The following NUP93 variants were observed in gnomAD, a reference collection of about 807,000 sequenced individuals.
The protein encoded by NUP93 is nucleoporin 93.
In NUP93, 55 loss-of-function variants were observed where a neutral mutation model predicts 107.8. That is an observed-to-expected ratio of 0.51 (90% CI 0.41 to 0.64). The LOEUF (loss-of-function observed/expected upper bound fraction) is 0.64, where lower values mean the gene tolerates loss of function less well. Ranked by LOEUF, NUP93 falls within the 30% of genes least tolerant of loss-of-function variation. The pLI is 0.00. For synonymous variants in NUP93, 390 were observed against 397.5 expected, an observed-to-expected ratio of 0.98 and a Z score of 0.22; for missense variants, 937 against 1,044.7, an observed-to-expected ratio of 0.90 and a Z score of 1.42.
chr16:56,834,010 T>A (rs1394518625), intron 13 of NUP93, 118 bp from the exon 14 acceptor site: 1 of 1,434,590 alleles, frequency 7.0e-7, no homozygotes, highest in Non-Finnish European at 9.6e-7. Context: ...TTAGCAAACT[T>A]TGACTGGGCT....
chr16:56,810,878 GAACTTTATGTAAA>G (rs1397570092), intron 5 of NUP93, among the ~76,000 whole-genome samples: 6 of 152,056 alleles, frequency 3.9e-5, no homozygotes, highest in Non-Finnish European at 7.4e-5. Flanking sequence ...GCCTGTTTTT[GAACTTTATGTAAA>G]TGGAGTCATA....
In NUP93 at chr16:56,779,459, T is replaced by C. The variant is rs188545257; in HGVS notation, c.298-19017T>C. ...AAAGCCAAAATACAAAATTAAACAA[T>C]GGACTACCAAATTTAGGAATAGATC... On this transcript the variant is annotated intron_variant, in intron 3 of 21. Transcript: ENST00000308159. 9.0e-4 allele frequency among the ~76,000 whole-genome samples: 137 copies of C among 152,364 alleles called. 2 individuals carry two copies. The highest frequency in any genetic ancestry group is 4.4e-5 in the Non-Finnish European group (3 of 68,042).
chr16:56,771,920 T>C (rs1157563518), intron 3 of NUP93, among the ~76,000 whole-genome samples: 1 of 152,240 alleles, frequency 6.6e-6, no homozygotes, highest in Non-Finnish European at 1.5e-5. Context: ...TTAGAGCAGA[T>C]TGAAGGAAAG....
rs114411931 is a variant in NUP93 at position 56,787,275 on chromosome 16, T to C, written c.298-11201T>C. On this transcript the variant is annotated intron_variant, in intron 3 of 21. Coordinates refer to ENST00000308159, the MANE Select transcript of NUP93 (RefSeq NM_014669.5). Reference sequence around the variant, plus strand: ...CTTTTCTGTGACAGATCTGTGATGATTGGTGCTCCAATCCCATCAGCATAA... The same window carrying C: ...CTTTTCTGTGACAGATCTGTGATGACTGGTGCTCCAATCCCATCAGCATAA... Among the ~76,000 whole-genome samples the C allele has an allele frequency of 4.8e-3, 737 of 152,306 alleles. 5 individuals carry two copies. Among genetic ancestry groups the C allele is most frequent in the African/African-American group, 0.017 (711 of 41,566 alleles).
At chr16:56,788,258 G>T (rs1342929181) in intron 3 of NUP93, among the ~76,000 whole-genome samples, 19 of 152,152 alleles carry the variant, frequency 1.2e-4, no homozygotes, top group African/African-American at 4.3e-4. Flanking sequence ...TTCCACCACA[G>T]CCTGGCACAT....
chr16:56,809,568 A>G (rs1963268717), intron 5 of NUP93, among the ~76,000 whole-genome samples: 1 of 152,132 alleles, frequency 6.6e-6, no homozygotes, highest in Non-Finnish European at 1.5e-5. Flanking sequence ...CTTTTTGCAC[A>G]TCGAGATAAG....
Position 56,748,300 on chromosome 16 carries a change from C to A in NUP93, c.53C>A (p.Ala18Asp), listed in dbSNP as rs1458232105. 2 of 1,613,978 alleles carry A rather than the reference C, an allele frequency of 1.2e-6. No homozygotes were observed. The highest frequency in any genetic ancestry group is 1.3e-5 in the African/African-American group (1 of 75,048). ...CTTCAGCAAGCTGAACAGCTTGCTG[C>A]TGAGACTGAGGGCATCTCAGAGCTT... ...ELLQQAEQLA[A>D]ETEGISELPH... The change falls in exon 2 of 22, where the codon GCT becomes GAT. Residue 18 changes from alanine to aspartate, a missense_variant. Coordinates refer to ENST00000308159, the MANE Select transcript of NUP93 (RefSeq NM_014669.5).
intron 1 of NUP93, among the ~76,000 whole-genome samples, chr16:56,731,435 G>T (rs182704086): frequency 6.7e-6 from 1 of 148,250 alleles, no homozygotes; most frequent in Non-Finnish European, 1.5e-5. Context: ...AGTCTCCCTC[G>T]GTCGCTCAGT....
At chr16:56,762,344 C>A (rs563411376) in intron 3 of NUP93, among the ~76,000 whole-genome samples, 3 of 152,220 alleles carry the variant, frequency 2.0e-5, no homozygotes, top group Admixed American at 1.3e-4. Flanking sequence ...GCAGAAATAG[C>A]CTGAATTGGC....
At chr16:56,773,865 A>AT (rs764658520) in intron 3 of NUP93, among the ~76,000 whole-genome samples, 3 of 152,178 alleles carry the variant, frequency 2.0e-5, no homozygotes, top group African/African-American at 7.2e-5. Flanking sequence ...AAAGCAGTGT[A>AT]TTTATCTTTT....
intron 1 of NUP93, among the ~76,000 whole-genome samples, chr16:56,733,720 C>CT (rs1260409984): frequency 6.6e-6 from 1 of 152,140 alleles, no homozygotes; most frequent in Non-Finnish European, 1.5e-5. Context: ...TGAGAATCCC[C>CT]TTTGTTTTGA....
At chr16:56,819,749 C>A (rs1405518737) in intron 6 of NUP93, among the ~76,000 whole-genome samples, 1 of 152,186 alleles carries the variant, frequency 6.6e-6, no homozygotes, top group Non-Finnish European at 1.5e-5. Context: ...ACCTGGTTAG[C>A]TGATGGTATT....
At chr16:56,761,456 A>G (rs1358252055) in intron 3 of NUP93, among the ~76,000 whole-genome samples, 2 of 152,188 alleles carry the variant, frequency 1.3e-5, no homozygotes, top group African/African-American at 4.8e-5. Context: ...ATACTATTCG[A>G]TGGACTTTTT....
chr16:56,796,089 A>G (rs1962892021), intron 3 of NUP93, among the ~76,000 whole-genome samples: 1 of 152,088 alleles, frequency 6.6e-6, no homozygotes, highest in Non-Finnish European at 1.5e-5. Context: ...GAAATCTATA[A>G]TTAGTAATGT....
chr16:56,765,953 A>G (rs1395062308), intron 3 of NUP93, among the ~76,000 whole-genome samples: 2 of 139,278 alleles, frequency 1.4e-5, no homozygotes, highest in Non-Finnish European at 3.4e-5. Context: ...CAATTACATT[A>G]AAGTATTCTG....
At chr16:56,777,277 C>T (rs1281493250) in intron 3 of NUP93, among the ~76,000 whole-genome samples, 4 of 152,080 alleles carry the variant, frequency 2.6e-5, no homozygotes, top group East Asian at 3.9e-4. Flanking sequence ...TTTCTTTCAC[C>T]GAGGTGCATT....
chr16:56,786,955 C>A (rs1424669635), intron 3 of NUP93, among the ~76,000 whole-genome samples: 3 of 152,216 alleles, frequency 2.0e-5, no homozygotes, highest in Admixed American at 6.5e-5. Context: ...ATTTGCCACT[C>A]CAGCTAAGCA....
chr16:56,808,124 CT>C, intron 5 of NUP93, among the ~76,000 whole-genome samples: 1 of 84,512 alleles, frequency 1.2e-5, no homozygotes, highest in Non-Finnish European at 2.4e-5. Context: ...TATTATATAA[CT>C]ATATAAATAT....
At chr16:56,799,222 T>C (rs1346516090) in intron 4 of NUP93, among the ~76,000 whole-genome samples, 1 of 152,174 alleles carries the variant, frequency 6.6e-6, no homozygotes, top group Non-Finnish European at 1.5e-5. Flanking sequence ...TTACACAATA[T>C]GAGTGGACCA....
Sources: gnomAD v4.1 joint callset for allele counts (sites outside exome capture counted in the v4.1 genomes callset) on GRCh38, gnomAD v4.1.1 for gene constraint, MANE v1.5 for transcripts, NCBI Gene and HGNC (gene_info 2026-07-23, HGNC 2026-07-21) for gene names.